FHIT: variants seen among roughly 807,000 people sequenced by gnomAD.
The protein encoded by FHIT is fragile histidine triad diadenosine triphosphatase, also known as bis(5'-adenosyl)-triphosphatase.
FHIT carries 19 observed loss-of-function variants against 17.9 expected under a neutral mutation model. The ratio of observed to expected loss-of-function variants is 1.06; its 90% CI spans 0.74 to 1.56. The LOEUF is 1.56. Ranked by LOEUF, FHIT falls within the 40% of genes most tolerant of loss-of-function variation. The pLI is 0.00. For missense variants in FHIT, 248 were observed against 189.2 expected (o/e 1.31, Z -1.82); for synonymous variants, 81 against 69.7 (o/e 1.16, Z -0.81).
chr3:60,109,942 T>A (rs556339492), intron 5 of FHIT, among the ~76,000 whole-genome samples: 1 of 152,198 alleles, frequency 6.6e-6, no homozygotes, highest in South Asian at 2.1e-4. Flanking sequence ...ATTTTTCAGC[T>A]GAGTGCTTTG....
chr3:59,869,672 G>A (rs1215486953), intron 8 of FHIT, among the ~76,000 whole-genome samples: 2 of 149,040 alleles, frequency 1.3e-5, no homozygotes, highest in Non-Finnish European at 3.0e-5. Flanking sequence ...TGTATTTTTA[G>A]TAGAGACAGG....
At chr3:60,288,562 GCA>G (rs1707834453) in intron 5 of FHIT, among the ~76,000 whole-genome samples, 2 of 133,990 alleles carry the variant, frequency 1.5e-5, no homozygotes, top group African/African-American at 6.0e-5. Flanking sequence ...CTAGGTTCTG[GCA>G]CAGTGTGTGT....
intron 2 of FHIT, among the ~76,000 whole-genome samples, chr3:61,118,970 G>T (rs1023451384): frequency 6.6e-6 from 1 of 152,186 alleles, no homozygotes; most frequent in Non-Finnish European, 1.5e-5. Context: ...AACAGAAGGT[G>T]AATGATGATC....
At chr3:59,917,955 C>G (rs1020900140) in intron 8 of FHIT, among the ~76,000 whole-genome samples, 6 of 152,194 alleles carry the variant, frequency 3.9e-5, no homozygotes, top group Admixed American at 2.0e-4. Context: ...GCTTAGCAAT[C>G]AGACAAGGTT....
At chr3:60,456,806 G>A (rs952899264) in intron 5 of FHIT, among the ~76,000 whole-genome samples, 3 of 151,978 alleles carry the variant, frequency 2.0e-5, no homozygotes, top group Non-Finnish European at 4.4e-5. Context: ...AAGACTATAT[G>A]GATCAGGAGG....
chr3:59,749,692 T>C, intron 9 of FHIT, 113 bp from the exon 10 acceptor site: 1 of 229,186 alleles, frequency 4.4e-6, no homozygotes, highest in Non-Finnish European at 8.6e-6. Flanking sequence ...GACTTTTGGT[T>C]ACGAAGAAGT....
At chr3:60,864,593 T>TTCCAGAGGAACAGGAGGGGTGCAG in intron 3 of FHIT, among the ~76,000 whole-genome samples, 1 of 152,024 alleles carries the variant, frequency 6.6e-6, no homozygotes. Flanking sequence ...CAGGGCTCTG[T>TTCCAGAGGAACAGGAGGGGTGCAG]ATTGGCAAGG....
At chr3:61,204,341 G>A (rs1560069681) in intron 1 of FHIT, among the ~76,000 whole-genome samples, 1 of 152,054 alleles carries the variant, frequency 6.6e-6, no homozygotes, top group African/African-American at 2.4e-5. Context: ...TGGACAATCA[G>A]TTTATTATTT....
At chr3:60,803,311 G>A (rs1306604253) in intron 4 of FHIT, among the ~76,000 whole-genome samples, 2 of 152,236 alleles carry the variant, frequency 1.3e-5, no homozygotes, top group East Asian at 1.9e-4. Context: ...CCGCCTATAC[G>A]GACAGTCACT....
At chr3:59,754,226 A>T (rs1193280939) in intron 8 of FHIT, among the ~76,000 whole-genome samples, 1 of 152,170 alleles carries the variant, frequency 6.6e-6, no homozygotes, top group Non-Finnish European at 1.5e-5. Flanking sequence ...GTTTGAGCCT[A>T]AATGAGGCTC....
intron 5 of FHIT, among the ~76,000 whole-genome samples, chr3:60,441,770 TTATATGTATAAAAATATATA>T (rs2030863768): frequency 4.7e-5 from 2 of 42,556 alleles, no homozygotes; most frequent in Non-Finnish European, 5.7e-5. Flanking sequence ...ATATATATAT[TTATATGTATAAAAATATATA>T]TATATATATA....
Position 61,042,079 on chromosome 3 carries a change from GAT to G in FHIT, c.-145_-144del, listed in dbSNP as rs2033544919. On this transcript the variant is annotated 5_prime_UTR_variant, in exon 3 of 10. Transcript: ENST00000492590. The stretch of plus-strand genomic sequence containing the variant: ...CTCTTTCTCTCCCTTCCACCGTCTG[GAT>G]GTAGATAGCACTACGGACCTAGGGA... 3 of 152,260 alleles carry G rather than the reference GAT, an allele frequency of 2.0e-5. No individual in the cohort carries two copies. The South Asian group carries it at 6.2e-4, about 32-fold the overall frequency. 9.4% of individuals were successfully genotyped at this position (152,260 alleles called of 1,614,324 possible). A position where few individuals can be genotyped will look rare whatever the true frequency, so the allele number is the denominator to read the frequency against.
At chr3:60,683,528 CAT>C (rs782605366) in intron 4 of FHIT, among the ~76,000 whole-genome samples, 2 of 39,126 alleles carry the variant, frequency 5.1e-5, no homozygotes, top group African/African-American at 4.6e-5. Context: ...ATTAAGATAA[CAT>C]ATTTTTTTAT....
At chr3:60,004,302 C>T (rs1480484557) in intron 7 of FHIT, among the ~76,000 whole-genome samples, 1 of 152,054 alleles carries the variant, frequency 6.6e-6, no homozygotes, top group African/African-American at 2.4e-5. Context: ...TGCCACGTGT[C>T]GGCATTACAA....
intron 5 of FHIT, among the ~76,000 whole-genome samples, chr3:60,387,311 C>T (rs1327883818): frequency 6.6e-6 from 1 of 151,984 alleles, no homozygotes; most frequent in Admixed American, 6.6e-5. Context: ...TTAATGTCTC[C>T]CACACTAATC....
chr3:60,409,123 T>A (rs1165421038), intron 5 of FHIT, among the ~76,000 whole-genome samples: 1 of 152,220 alleles, frequency 6.6e-6, no homozygotes, highest in Non-Finnish European at 1.5e-5. Context: ...TTCTTGTAAA[T>A]ACTGAATATG....
chr3:60,059,023 G>A (rs1322502651), intron 5 of FHIT, among the ~76,000 whole-genome samples: 1 of 152,150 alleles, frequency 6.6e-6, no homozygotes, highest in East Asian at 1.9e-4. Flanking sequence ...CGAAGAAAAT[G>A]TTACAGTAGG....
At chr3:60,708,286 G>A (rs1265254943) in intron 4 of FHIT, among the ~76,000 whole-genome samples, 1 of 152,116 alleles carries the variant, frequency 6.6e-6, no homozygotes, top group Non-Finnish European at 1.5e-5. Flanking sequence ...ATTTGCCAGA[G>A]GAATCCAAAC....
chr3:60,578,477 G>A (rs1553658457), intron 4 of FHIT, among the ~76,000 whole-genome samples: 3 of 94,492 alleles, frequency 3.2e-5, no homozygotes, highest in African/African-American at 9.0e-5. Flanking sequence ...ACACACACAC[G>A]ATAAATATTC....
Sources: gnomAD v4.1 joint callset for allele counts (sites outside exome capture counted in the v4.1 genomes callset) on GRCh38, gnomAD v4.1.1 for gene constraint, MANE v1.5 for transcripts, NCBI Gene and HGNC (gene_info 2026-07-23, HGNC 2026-07-21) for gene names.